RABGAP1L: variants seen among roughly 807,000 people sequenced by gnomAD.
RABGAP1L encodes the protein rab GTPase-activating protein 1-like.
A neutral mutation model predicts 137.7 loss-of-function variants in RABGAP1L; 63 were observed. The ratio of observed to expected loss-of-function variants is 0.46; its 90% CI spans 0.37 to 0.56. The LOEUF is 0.56. Among genes scored for constraint, RABGAP1L ranks in the 20% least tolerant of loss-of-function variants. The pLI is 0.00. For missense variants in RABGAP1L, 1,095 were observed against 1,244.0 expected, an observed-to-expected ratio of 0.88 and a Z score of 1.80; for synonymous variants, 431 against 433.7, an observed-to-expected ratio of 0.99 and a Z score of 0.08.
chr1:174,160,516 GTA>G (rs1274347618), intron 1 of RABGAP1L, among the ~76,000 whole-genome samples: 1 of 152,206 alleles, frequency 6.6e-6, no homozygotes, highest in Non-Finnish European at 1.5e-5. Context: ...ATTAGAATAT[GTA>G]CCAAAACTTG....
intron 23 of RABGAP1L, among the ~76,000 whole-genome samples, chr1:174,981,550 CTTTTTTTTTTTTTTTTTTTTTTTT>C (rs10556099): frequency 3.0e-5 from 2 of 66,406 alleles, no homozygotes; most frequent in African/African-American, 1.3e-4. Context: ...GTTTTTCCAT[CTTTTTTTTTTTTTTTTTTTTTTTT>C]TTTTTTTGTG....
intron 19 of RABGAP1L, among the ~76,000 whole-genome samples, chr1:174,908,835 C>T (rs553838183): frequency 4.0e-5 from 6 of 149,940 alleles, no homozygotes; most frequent in East Asian, 2.0e-4. Flanking sequence ...TCAGCCACTG[C>T]GCCTGGCCAC....
At chr1:174,583,230 G>T (rs1224424414) in intron 13 of RABGAP1L, among the ~76,000 whole-genome samples, 2 of 152,046 alleles carry the variant, frequency 1.3e-5, no homozygotes, top group South Asian at 4.1e-4. Context: ...CCAAAATTAC[G>T]ATCATTATAT....
chr1:174,483,845 G>A lies in RABGAP1L; in HGVS notation c.1710+89700G>A, dbSNP rs534943969. 1.3e-5 allele frequency among the ~76,000 whole-genome samples: 2 copies of A among 151,890 alleles called. 1 individual carries two copies. Among genetic ancestry groups the A allele is most frequent in the African/African-American group, 4.8e-5 (2 of 41,476 alleles). On this transcript the variant is annotated intron_variant, in intron 13 of 25. Coordinates refer to ENST00000681986, the MANE Select transcript of RABGAP1L (RefSeq NM_001366446.1). Reference sequence around the variant, plus strand: ...AAAAAAAAAAAAAATCTTGGTTATTGTAAATAATGCTGCAATAAACATTTG... The same window carrying A: ...AAAAAAAAAAAAAATCTTGGTTATTATAAATAATGCTGCAATAAACATTTG...
In RABGAP1L at chr1:174,772,217, CA is replaced by C. The variant is rs1015842634; in HGVS notation, c.2211+19872del. ...TCTCAAAAAAAAACAAAAAACAAAA[CA>C]AAAAAAAATAACTAATCTTCACTAC... is the stretch of plus-strand genomic sequence containing the variant. On this transcript the variant is annotated intron_variant, in intron 18 of 25. Transcript: ENST00000681986. Among the ~76,000 whole-genome samples, 10 of 147,896 alleles carry C rather than the reference CA, an allele frequency of 6.8e-5. 1 individual carries two copies. In the South Asian group the frequency reaches 1.5e-3, roughly 22 times the overall value.
At chr1:174,341,705 C>G (rs1281252406) in intron 11 of RABGAP1L, among the ~76,000 whole-genome samples, 2 of 151,996 alleles carry the variant, frequency 1.3e-5, no homozygotes, top group African/African-American at 4.8e-5. Context: ...AAGTTTTAAG[C>G]TATTAAAAAA....
intron 3 of RABGAP1L, among the ~76,000 whole-genome samples, chr1:174,221,671 A>G (rs1669768190): frequency 6.6e-6 from 1 of 152,228 alleles, no homozygotes; most frequent in African/African-American, 2.4e-5. Flanking sequence ...AAATAAAACC[A>G]AAACCAGCTC....
Position 174,578,932 on chromosome 1 carries a change from G to T in RABGAP1L, c.1711-58443G>T, listed in dbSNP as rs113962392. On this transcript the variant is annotated intron_variant, in intron 13 of 25. Transcript: ENST00000681986. ...ATTTCTTTGAAATTGTTTTATTTGT[G>T]CTGTATAGTTTTCATACATATGAGA... Among the ~76,000 whole-genome samples the T allele has an allele frequency of 1.2e-3, 184 of 152,068 alleles. 1 individual carries two copies. The highest frequency in any genetic ancestry group is 4.0e-3 in the African/African-American group (166 of 41,486).
intron 17 of RABGAP1L, among the ~76,000 whole-genome samples, chr1:174,747,428 CT>C (rs1683968888): frequency 6.9e-6 from 1 of 145,300 alleles, no homozygotes; most frequent in Non-Finnish European, 1.5e-5. Flanking sequence ...AAAAAAAAAC[CT>C]GATAGAATAA....
At chr1:174,208,026 T>A (rs186821071) in intron 1 of RABGAP1L, among the ~76,000 whole-genome samples, 1 of 152,342 alleles carries the variant, frequency 6.6e-6, no homozygotes, top group East Asian at 1.9e-4. Flanking sequence ...TATCTCTACA[T>A]TAATTAGATC....
chr1:174,687,667 T>A (rs1469649679), intron 15 of RABGAP1L, among the ~76,000 whole-genome samples: 2 of 152,212 alleles, frequency 1.3e-5, no homozygotes, highest in African/African-American at 4.8e-5. Flanking sequence ...GGGAGATACA[T>A]TATTAGGGTC....
intron 13 of RABGAP1L, among the ~76,000 whole-genome samples, chr1:174,438,742 GTGTATATA>G (rs1571813683): frequency 1.5e-5 from 1 of 65,802 alleles, no homozygotes; most frequent in African/African-American, 1.4e-4. Context: ...AAGTGTGTGT[GTGTATATA>G]TATATATATA....
At chr1:174,374,829 A>T (rs928504955) in intron 12 of RABGAP1L, among the ~76,000 whole-genome samples, 1 of 152,156 alleles carries the variant, frequency 6.6e-6, no homozygotes, top group African/African-American at 2.4e-5. Flanking sequence ...AATGTTTGCA[A>T]AGTTTTTTTG....
chr1:174,666,771 G>A (rs1013366048), intron 14 of RABGAP1L, among the ~76,000 whole-genome samples: 4 of 152,206 alleles, frequency 2.6e-5, no homozygotes, highest in Middle Eastern at 6.8e-3. Flanking sequence ...ACCCAGGTAA[G>A]GTTTGTGTGT....
intron 13 of RABGAP1L, among the ~76,000 whole-genome samples, chr1:174,517,202 A>C (rs995378968): frequency 1.3e-5 from 2 of 152,150 alleles, no homozygotes; most frequent in Non-Finnish European, 2.9e-5. Flanking sequence ...AATGTAACTT[A>C]ACCATATGTT....
chr1:174,170,544 A>G (rs1460765014), intron 1 of RABGAP1L, among the ~76,000 whole-genome samples: 1 of 151,896 alleles, frequency 6.6e-6, no homozygotes, highest in Non-Finnish European at 1.5e-5. Context: ...GCGTGGTGGC[A>G]TGTGCCTGTA....
chr1:174,679,404 C>T (rs896729129), intron 14 of RABGAP1L, among the ~76,000 whole-genome samples: 2 of 152,092 alleles, frequency 1.3e-5, no homozygotes, highest in African/African-American at 2.4e-5. Context: ...TGCTCAGCAA[C>T]GTAAGAATAG....
At chr1:174,827,320 C>CT (rs1558121659) in intron 19 of RABGAP1L, among the ~76,000 whole-genome samples, 1 of 152,108 alleles carries the variant, frequency 6.6e-6, no homozygotes. Context: ...GCTCTAATCT[C>CT]TTTTTATAAG....
At chr1:174,880,091 C>G (rs566178904) in intron 19 of RABGAP1L, among the ~76,000 whole-genome samples, 1 of 151,314 alleles carries the variant, frequency 6.6e-6, no homozygotes, top group African/African-American at 2.4e-5. Context: ...AAAAAAAACA[C>G]CATAATATCT....
Sources: allele counts gnomAD v4.1 joint callset (sites outside exome capture counted in the v4.1 genomes callset), GRCh38; gene constraint gnomAD v4.1.1; transcripts MANE v1.5; gene names NCBI Gene and HGNC (gene_info 2026-07-23, HGNC 2026-07-21).